The following MALL variants were observed in gnomAD, a reference collection of about 807,000 sequenced individuals.
The protein encoded by MALL is mal, T cell differentiation protein like.
Under a neutral mutation model 10.3 loss-of-function variants are expected in MALL, and 2 were observed. The ratio of observed to expected loss-of-function variants is 0.19; its 90% CI spans 0.08 to 0.61. The LOEUF (loss-of-function observed/expected upper bound fraction) is 0.61. Among genes scored for constraint, MALL ranks in the 20% least tolerant of loss-of-function variants. MALL has a pLI of 0.88. For synonymous variants in MALL, 27 were observed against 51.8 expected, an observed-to-expected ratio of 0.52 and a Z score of 2.05; for missense variants, 39 against 115.2, an observed-to-expected ratio of 0.34 and a Z score of 3.03.
chr2:110,103,389 C>T lies in MALL; in HGVS notation c.106-11619G>A, dbSNP rs1002442184. On this transcript the variant is annotated intron_variant, in intron 1 of 3. Transcript: ENST00000272462. ...CTAGGGGCTGGCTGGCAGGGATGGA[C>T]GAGGCAGGGGAGGGGCTGGAAAGAG... 7.2e-5 allele frequency among the ~76,000 whole-genome samples: 11 copies of T among 152,004 alleles called. No individual in the cohort carries two copies. In the East Asian group the frequency reaches 7.7e-4, roughly 11 times the overall value.
chr2:110,104,755 A>G (rs1406387763), intron 1 of MALL, among the ~76,000 whole-genome samples: 18 of 152,112 alleles, frequency 1.2e-4, no homozygotes, highest in Non-Finnish European at 4.4e-5. Flanking sequence ...CCTGTCCTGG[A>G]GTGCTCGTTG....
intron 1 of MALL, chr2:110,097,687 T>G: frequency 5.6e-6 from 2 of 355,906 alleles, no homozygotes; most frequent in Non-Finnish European, 1.1e-5. Flanking sequence ...CTGGGAGGTG[T>G]GGGTTTGGGG....
intron 1 of MALL, among the ~76,000 whole-genome samples, chr2:110,099,125 A>G (rs528288856): frequency 3.3e-5 from 5 of 152,286 alleles, no homozygotes; most frequent in African/African-American, 1.2e-4. Context: ...CTGCCACCAT[A>G]GCATCCCTTG....
At chr2:110,101,707 G>A (rs1052520443) in intron 1 of MALL, among the ~76,000 whole-genome samples, 4 of 152,042 alleles carry the variant, frequency 2.6e-5, no homozygotes, top group African/African-American at 7.2e-5. Context: ...CACCACGTCC[G>A]CCCATTCAGA....
upstream of MALL, chr2:110,115,949 G>C: frequency 2.5e-6 from 1 of 398,784 alleles, no homozygotes; most frequent in Non-Finnish European, 4.4e-6. Context: ...GCAGCCAGCA[G>C]ATCCTCAGTG....
intron 1 of MALL, among the ~76,000 whole-genome samples, chr2:110,104,512 A>AT (rs1559031896): frequency 6.6e-6 from 1 of 152,190 alleles, no homozygotes; most frequent in Non-Finnish European, 1.5e-5. Flanking sequence ...CTCAGCTTGA[A>AT]TGAATACTTG....
chr2:110,112,349 A>G lies in MALL; in HGVS notation c.105+3339T>C, dbSNP rs150633813. 6.6e-5 allele frequency among the ~76,000 whole-genome samples: 10 copies of G among 152,318 alleles called. 1 individual carries two copies. Among genetic ancestry groups the G allele is most frequent in the Non-Finnish European group, 1.5e-4 (10 of 68,028 alleles). ...AATCTGTACATCTGACAAAGGTCTAATATTCAGAATCTACAAGGAAGTCAA... is the reference window on the plus strand; with the variant it reads ...AATCTGTACATCTGACAAAGGTCTAGTATTCAGAATCTACAAGGAAGTCAA... On this transcript the variant is annotated intron_variant, in intron 1 of 3. Coordinates refer to ENST00000272462, the MANE Select transcript of MALL (RefSeq NM_005434.5).
At chr2:110,092,735 TAAA>T (rs1425317193) in intron 1 of MALL, among the ~76,000 whole-genome samples, 1 of 124,804 alleles carries the variant, frequency 8.0e-6, no homozygotes, top group African/African-American at 2.8e-5. Context: ...ATAATAATAA[TAAA>T]GAAATGCTTC....
upstream of MALL, among the ~76,000 whole-genome samples, chr2:110,117,937 A>C (rs1678956213): frequency 6.6e-6 from 1 of 152,152 alleles, no homozygotes; most frequent in Non-Finnish European, 1.5e-5. Flanking sequence ...CTTTGTCTGC[A>C]TCCTGTGTAC....
At chr2:110,096,217 T>C (rs1170264599) in intron 1 of MALL, among the ~76,000 whole-genome samples, 1 of 152,032 alleles carries the variant, frequency 6.6e-6, no homozygotes, top group Non-Finnish European at 1.5e-5. Context: ...TAAGGGAGGC[T>C]GCGTTGTTCC....
intron 1 of MALL, among the ~76,000 whole-genome samples, chr2:110,110,164 G>C (rs945086457): frequency 6.6e-6 from 1 of 151,954 alleles, no homozygotes; most frequent in African/African-American, 2.4e-5. Flanking sequence ...CAAGGAACTA[G>C]AGAATCAAGA....
chr2:110,113,651 C>T (rs547066595), intron 1 of MALL, among the ~76,000 whole-genome samples: 1 of 151,910 alleles, frequency 6.6e-6, no homozygotes, highest in Admixed American at 6.6e-5. Flanking sequence ...AAGATAAGGA[C>T]CCAGATTTTC....
intron 1 of MALL, among the ~76,000 whole-genome samples, chr2:110,104,983 T>C (rs977020431): frequency 3.3e-5 from 5 of 152,230 alleles, no homozygotes; most frequent in African/African-American, 1.2e-4. Context: ...TAAAGTAGTA[T>C]GGGCTGGCAT....
intron 1 of MALL, among the ~76,000 whole-genome samples, chr2:110,096,507 C>T (rs760467383): frequency 7.9e-4 from 120 of 151,896 alleles, no homozygotes; most frequent in Admixed American, 1.3e-3. Context: ...CCATTTGGAA[C>T]GGCACAGAGG....
chr2:110,103,964 G>C (rs879871762), intron 1 of MALL, among the ~76,000 whole-genome samples: 9 of 152,182 alleles, frequency 5.9e-5, no homozygotes, highest in Non-Finnish European at 1.0e-4. Context: ...TTCTGGCAGG[G>C]GAGGACTTGG....
chr2:110,113,289 AT>A, intron 1 of MALL, among the ~76,000 whole-genome samples: 1 of 151,696 alleles, frequency 6.6e-6, no homozygotes, highest in South Asian at 2.1e-4. Context: ...CAAAAAAAAA[AT>A]TAGCTGGGCA....
chr2:110,111,790 A>G (rs1434043995), intron 1 of MALL, among the ~76,000 whole-genome samples: 2 of 152,176 alleles, frequency 1.3e-5, no homozygotes, highest in Non-Finnish European at 2.9e-5. Context: ...GACTAAGCAA[A>G]AAGAACAAAT....
intron 1 of MALL, among the ~76,000 whole-genome samples, chr2:110,107,623 AG>A (rs1678723379): frequency 6.6e-6 from 1 of 152,154 alleles, no homozygotes; most frequent in Admixed American, 6.5e-5. Context: ...TGGAAGACAA[AG>A]GGCATATAAT....
chr2:110,116,058 G>C (rs796558364), upstream of MALL: 6 of 359,678 alleles, frequency 1.7e-5, no homozygotes, highest in African/African-American at 1.0e-4. Flanking sequence ...GACCTTTCCA[G>C]CTAAGGAATC....
Sources: gnomAD v4.1 joint callset for allele counts (sites outside exome capture counted in the v4.1 genomes callset) on GRCh38, gnomAD v4.1.1 for gene constraint, MANE v1.5 for transcripts, NCBI Gene and HGNC (gene_info 2026-07-23, HGNC 2026-07-21) for gene names.